The following TRAPPC9 variants were observed in gnomAD, a reference collection of about 807,000 sequenced individuals.
The protein encoded by TRAPPC9 is trafficking protein particle complex subunit 9, also known as IKK2 binding protein.
In TRAPPC9, 83 loss-of-function variants were observed where a neutral mutation model predicts 124.0. The observed-to-expected ratio is 0.67, with a 90% CI of 0.56 to 0.80. The LOEUF (loss-of-function observed/expected upper bound fraction) is 0.80. Among genes scored for constraint, TRAPPC9 ranks in the 30% least tolerant of loss-of-function variants. TRAPPC9 has a pLI of 0.00. For missense variants in TRAPPC9, 1,302 were observed against 1,508.3 expected (o/e 0.86, Z 2.27); for synonymous variants, 638 against 617.5 (o/e 1.03, Z -0.49).
intron 17 of TRAPPC9, among the ~76,000 whole-genome samples, chr8:140,124,996 G>C (rs1368224200): frequency 6.6e-6 from 1 of 152,264 alleles, no homozygotes; most frequent in Non-Finnish European, 1.5e-5. Flanking sequence ...ATTGCAGGGT[G>C]TCACTGTCCC....
chr8:140,127,588 T>C (rs920255045), intron 17 of TRAPPC9, among the ~76,000 whole-genome samples: 40 of 152,240 alleles, frequency 2.6e-4, no homozygotes, highest in African/African-American at 9.6e-4. Context: ...TTGGCCTCCT[T>C]GATTTAGAAT....
intron 21 of TRAPPC9, among the ~76,000 whole-genome samples, chr8:139,773,973 C>T (rs1038966953): frequency 1.2e-4 from 19 of 152,190 alleles, no homozygotes; most frequent in South Asian, 2.1e-4. Flanking sequence ...GTCGACCCTA[C>T]GAAGGAAAGC....
intron 16 of TRAPPC9, among the ~76,000 whole-genome samples, chr8:140,225,550 C>T (rs940518701): frequency 4.6e-5 from 7 of 152,186 alleles, no homozygotes; most frequent in Non-Finnish European, 1.0e-4. Flanking sequence ...AATCTCTCCA[C>T]GACACCATAA....
intron 9 of TRAPPC9, among the ~76,000 whole-genome samples, chr8:140,345,286 C>A (rs1253987503): frequency 6.6e-6 from 1 of 152,170 alleles, no homozygotes; most frequent in Non-Finnish European, 1.5e-5. Context: ...AGGCCAGGTA[C>A]TGAGTGAGGA....
intron 17 of TRAPPC9, among the ~76,000 whole-genome samples, chr8:140,135,179 G>A (rs945186186): frequency 4.6e-5 from 7 of 152,166 alleles, no homozygotes; most frequent in African/African-American, 1.7e-4. Flanking sequence ...GTGCTGGGGG[G>A]ATGTCGAGAA....
intron 5 of TRAPPC9, among the ~76,000 whole-genome samples, chr8:140,426,223 C>T (rs903268456): frequency 1.3e-5 from 2 of 152,266 alleles, no homozygotes; most frequent in Non-Finnish European, 2.9e-5. Flanking sequence ...CTGTTAAGAA[C>T]ACACAGACGA....
intron 15 of TRAPPC9, among the ~76,000 whole-genome samples, chr8:140,270,300 C>T (rs908407096): frequency 3.3e-5 from 5 of 152,074 alleles, no homozygotes; most frequent in Non-Finnish European, 5.9e-5. Flanking sequence ...AGAGCCGTGC[C>T]GCACATTCAA....
intron 21 of TRAPPC9, among the ~76,000 whole-genome samples, chr8:139,736,544 A>G (rs1371399297): frequency 2.6e-5 from 4 of 152,194 alleles, no homozygotes; most frequent in Non-Finnish European, 5.9e-5. Flanking sequence ...AAACCTTCCT[A>G]TGACGGGGCA....
rs576816428 is a variant in TRAPPC9 at position 139,768,385 on chromosome 8, C to A, written c.3056-36183G>T. On this transcript the variant is annotated intron_variant, in intron 21 of 22. Transcript: ENST00000438773. ...CCCTGGGCAGTCAGGGAACTGGGGG[C>A]ACGGGGCAGGCAGGTTTTGCCACCC... Among the ~76,000 whole-genome samples, 16 of 152,304 alleles carry A rather than the reference C, an allele frequency of 1.1e-4. 1 individual carries two copies. The South Asian group carries it at 3.1e-3, about 30-fold the overall frequency.
intron 17 of TRAPPC9, among the ~76,000 whole-genome samples, chr8:140,166,843 G>C (rs1247470128): frequency 6.6e-6 from 1 of 152,174 alleles, no homozygotes; most frequent in African/African-American, 2.4e-5. Context: ...CACATCTGAA[G>C]CCCTGCACTG....
chr8:140,362,279 C>T (rs1173602475), intron 8 of TRAPPC9, among the ~76,000 whole-genome samples: 1 of 152,162 alleles, frequency 6.6e-6, no homozygotes, highest in East Asian at 1.9e-4. Flanking sequence ...AAAGGAAACC[C>T]TCCCATGTTG....
chr8:139,802,779 A>G (rs1244780394), intron 21 of TRAPPC9, among the ~76,000 whole-genome samples: 1 of 152,070 alleles, frequency 6.6e-6, no homozygotes, highest in African/African-American at 2.4e-5. Flanking sequence ...CTGATTTGAG[A>G]ATTGAAGCTT....
At chr8:140,040,261 C>T (rs1193549269) in intron 17 of TRAPPC9, 2 of 152,450 alleles carry the variant, frequency 1.3e-5, no homozygotes, top group Non-Finnish European at 2.9e-5. Context: ...CGCACACCAA[C>T]ACTACGTCCC....
chr8:140,081,274 G>T (rs920637472), intron 17 of TRAPPC9, among the ~76,000 whole-genome samples: 2 of 151,920 alleles, frequency 1.3e-5, no homozygotes, highest in African/African-American at 4.8e-5. Context: ...CTCCACAGAA[G>T]ATGGCTCCAA....
chr8:140,349,638 G>A (rs540902268), intron 9 of TRAPPC9, among the ~76,000 whole-genome samples: 19 of 152,286 alleles, frequency 1.2e-4, no homozygotes, highest in African/African-American at 4.6e-4. Context: ...GAGGGAGCGG[G>A]GAACACGGAG....
chr8:140,449,746 C>A (rs979655809), intron 2 of TRAPPC9, among the ~76,000 whole-genome samples: 1 of 152,194 alleles, frequency 6.6e-6, no homozygotes, highest in African/African-American at 2.4e-5. Flanking sequence ...TAGCCACATA[C>A]GCAGGGTGCA....
chr8:140,289,747 T>C (rs910772070), intron 12 of TRAPPC9, among the ~76,000 whole-genome samples: 3 of 151,174 alleles, frequency 2.0e-5, no homozygotes, highest in Non-Finnish European at 4.4e-5. Flanking sequence ...TTGGGGAAAA[T>C]TCTCTAAACT....
rs537040390 is a variant in TRAPPC9 at position 140,352,905 on chromosome 8, G to A, written c.1495+7145C>T. On this transcript the variant is annotated intron_variant, in intron 9 of 22. Coordinates refer to ENST00000438773, the MANE Select transcript of TRAPPC9 (RefSeq NM_001160372.4). ...ACTAATGTCTGACCAAGGAGCTGGC[G>A]TCCAGGTCCCCCAGAAGGAAAACAG... Among the ~76,000 whole-genome samples the A allele has an allele frequency of 2.2e-4, 34 of 152,222 alleles. No homozygotes were observed. In the South Asian group the frequency reaches 2.9e-3, roughly 13 times the overall value.
chr8:140,429,804 CA>C (rs985097150), intron 4 of TRAPPC9, among the ~76,000 whole-genome samples: 25 of 147,006 alleles, frequency 1.7e-4, no homozygotes, highest in African/African-American at 6.4e-4. Context: ...GACTCTATCT[CA>C]AAAAAATAAA....
Sources: gnomAD v4.1 joint callset for allele counts (sites outside exome capture counted in the v4.1 genomes callset) on GRCh38, gnomAD v4.1.1 for gene constraint, MANE v1.5 for transcripts, NCBI Gene and HGNC (gene_info 2026-07-23, HGNC 2026-07-21) for gene names.